The following SLC7A14 variants were observed in gnomAD, a reference collection of about 807,000 sequenced individuals.
SLC7A14 encodes the protein gamma-aminobutyric acid transporter SLC7A14.
Under a neutral mutation model 60.2 loss-of-function variants are expected in SLC7A14, and 37 were observed. The ratio of observed to expected loss-of-function variants is 0.61; its 90% confidence interval spans 0.47 to 0.81. The LOEUF (loss-of-function observed/expected upper bound fraction) is 0.81, where lower values mean the gene tolerates loss of function less well. Among genes scored for constraint, SLC7A14 ranks in the 30% least tolerant of loss-of-function variants. The probability of loss-of-function intolerance (pLI) is 0.00; values close to 1 mark genes in which losing one functional copy is unlikely to be tolerated. For missense variants in SLC7A14, 886 were observed against 982.7 expected (o/e 0.90, Z 1.32); for synonymous variants, 399 against 395.8 (o/e 1.01, Z -0.10).
chr3:170,467,320 C>T lies in SLC7A14; in HGVS notation c.2051G>A (p.Arg684Gln), dbSNP rs138821627. The T allele has an allele frequency of 2.4e-5, 38 of 1,613,384 alleles. 1 individual carries two copies. The highest frequency in any genetic ancestry group is 2.3e-4 in the South Asian group (21 of 90,922). The change falls in exon 8 of 8, where the codon CGA becomes CAA. Residue 684 changes from arginine (R) to glutamine (Q), a missense_variant. Coordinates refer to ENST00000231706, the MANE Select transcript of SLC7A14 (RefSeq NM_020949.3). Reference sequence around the variant, plus strand: ...CGTGCTTTGGTGCAGGGCCTCTTCTCGAGCGCTGATTTCCAGGGTGCTGTT... The same window carrying T: ...CGTGCTTTGGTGCAGGGCCTCTTCTTGAGCGCTGATTTCCAGGGTGCTGTT... The part of the protein sequence containing the change: ...IWNSTLEISA[R>Q]EEALHQSTYQ...
Position 170,585,251 on chromosome 3 carries a change from G to C in SLC7A14, c.-153+660C>G, listed in dbSNP as rs1715351358. 6.6e-6 allele frequency among the ~76,000 whole-genome samples: 1 copy of C among 152,250 alleles called. No individual in the cohort carries two copies. The highest frequency in any genetic ancestry group is 1.9e-4 in the East Asian group (1 of 5,148). On this transcript the variant is annotated intron_variant, in intron 1 of 7. Transcript: ENST00000231706. The surrounding 1 kb of genome is among the most constrained non-coding windows in gnomAD (Gnocchi z 5.1). Reference sequence around the variant, plus strand: ...CGGCTCTGGGCAGGGAGCTTCCCTGGACACCGCTCCCGTCACGTCCTCTTC... The same window carrying C: ...CGGCTCTGGGCAGGGAGCTTCCCTGCACACCGCTCCCGTCACGTCCTCTTC...
intron 2 of SLC7A14, among the ~76,000 whole-genome samples, chr3:170,515,479 AC>A (rs1340485567): frequency 2.6e-5 from 4 of 152,042 alleles, no homozygotes; most frequent in Admixed American, 2.0e-4. Context: ...ACTTTCAGCA[AC>A]CTGTTTGGAA....
intron 1 of SLC7A14, among the ~76,000 whole-genome samples, chr3:170,550,512 A>ATTTTTCTTTGTTTTTTTTTTTTTT (rs1714312837): frequency 1.7e-5 from 1 of 60,602 alleles, no homozygotes; most frequent in African/African-American, 8.7e-5. Context: ...CTTTCCTTGA[A>ATTTTTCTTTGTTTTTTTTTTTTTT]TTTTTTTTTT....
At chr3:170,483,223 G>C in intron 6 of SLC7A14, 91 bp downstream of exon 6, 14 of 1,457,108 alleles carry the variant, frequency 9.6e-6, no homozygotes, top group Non-Finnish European at 1.0e-5. Flanking sequence ...AGGCACTGAT[G>C]TCAAAATCAC....
In SLC7A14 at chr3:170,530,734, G is replaced by C. The variant is rs560569274; in HGVS notation, c.-152-3646C>G. Among the ~76,000 whole-genome samples, 17 of 152,332 alleles carry C rather than the reference G, an allele frequency of 1.1e-4. No individual in the cohort carries two copies. The South Asian group carries it at 1.7e-3, about 15-fold the overall frequency. Reference sequence around the variant, plus strand: ...GAGGGGTGTGGACCTGCTGCAGCGGGGAGGCCGACAAGTAAGCAGAGATCT... The same window carrying C: ...GAGGGGTGTGGACCTGCTGCAGCGGCGAGGCCGACAAGTAAGCAGAGATCT... On this transcript the variant is annotated intron_variant, in intron 1 of 7. Transcript: ENST00000231706.
chr3:170,519,502 C>A (rs965489389), intron 2 of SLC7A14, among the ~76,000 whole-genome samples: 1 of 152,176 alleles, frequency 6.6e-6, no homozygotes, highest in Non-Finnish European at 1.5e-5. Flanking sequence ...AGGGGCCAGG[C>A]GCAGTGGCTC....
At chr3:170,584,414 A>C (rs951139139) in intron 1 of SLC7A14, among the ~76,000 whole-genome samples, 7 of 152,140 alleles carry the variant, frequency 4.6e-5, no homozygotes, top group South Asian at 4.1e-4. Flanking sequence ...GCCTTTCAAC[A>C]CTTTACCGAC....
At position 170,480,824 on chromosome 3, in the gene SLC7A14, T is replaced by C; in HGVS notation, c.1458A>G (p.Leu486=). Residue 486 remains leucine (L), a synonymous_variant, in exon 7 of 8, where the codon TTA becomes TTG. Coordinates refer to ENST00000231706, the MANE Select transcript of SLC7A14 (RefSeq NM_020949.3). Reference sequence around the variant, plus strand: ...GCATCTCATTGTCTCCCAAGGATGGTAAGTTCTTGGCCCCACATGTGTTGG... The same window carrying C: ...GCATCTCATTGTCTCCCAAGGATGGCAAGTTCTTGGCCCCACATGTGTTGG... ...PATNTCGAKN[L]PSLGDNEMLI... The C allele has an allele frequency of 6.2e-7, 1 of 1,614,170 alleles. No individual in the cohort carries two copies. Among genetic ancestry groups the C allele is most frequent in the Non-Finnish European group, 8.5e-7 (1 of 1,180,032 alleles).
intron 2 of SLC7A14, among the ~76,000 whole-genome samples, chr3:170,510,406 A>AAT (rs1560264165): frequency 4.3e-5 from 6 of 139,238 alleles, no homozygotes; most frequent in African/African-American, 1.4e-4. Context: ...AAAAATAAAT[A>AAT]AATAAATAAA....
rs905263137 is a variant in SLC7A14 at position 170,535,479 on chromosome 3, C to T, written c.-152-8391G>A. Among the ~76,000 whole-genome samples, 1 of 152,154 alleles carries T rather than the reference C, an allele frequency of 6.6e-6. No homozygotes were observed. The highest frequency in any genetic ancestry group is 6.5e-5 in the Admixed American group (1 of 15,280). On this transcript the variant is annotated intron_variant, in intron 1 of 7. Coordinates refer to ENST00000231706, the MANE Select transcript of SLC7A14 (RefSeq NM_020949.3). This position sits in a 1 kb window ranked among gnomAD's most constrained non-coding sequence, Gnocchi z 4.3. ...CCATAAAATAAATTATTGTAATCTA[C>T]AGAATATCAGGAATTTAGGCACAAG... is the stretch of plus-strand genomic sequence containing the variant.
At position 170,464,295 on chromosome 3, in the gene SLC7A14, A is replaced by G. The variant is rs1739669144; in HGVS notation, c.*2760T>C. 1.3e-5 allele frequency: 2 copies of G among 152,266 alleles called. No individual in the cohort carries two copies. Among genetic ancestry groups the G allele is most frequent in the Non-Finnish European group, 2.9e-5 (2 of 68,050 alleles). The allele number at this position is 152,266 out of a possible 1,614,324, so 9.4% of individuals were successfully genotyped here. ...CTCACTCGGAGAGCTTTTGCTATTCAGAATTCAATAAAATGTAGGTCTTCC... is the reference window on the plus strand; with the variant it reads ...CTCACTCGGAGAGCTTTTGCTATTCGGAATTCAATAAAATGTAGGTCTTCC... On this transcript the variant is annotated 3_prime_UTR_variant, in exon 8 of 8. Coordinates refer to ENST00000231706, the MANE Select transcript of SLC7A14 (RefSeq NM_020949.3).
At chr3:170,544,715 A>G (rs1714127429) in intron 1 of SLC7A14, among the ~76,000 whole-genome samples, 1 of 152,234 alleles carries the variant, frequency 6.6e-6, no homozygotes, top group Non-Finnish European at 1.5e-5. Context: ...ATTAAGTAGA[A>G]CCATCTTAAG....
chr3:170,527,205 C>G (rs1456022056), intron 1 of SLC7A14, 117 bp from the exon 2 acceptor site: 2 of 493,358 alleles, frequency 4.1e-6, no homozygotes, highest in African/African-American at 1.9e-5. Context: ...CCCGTGTGCT[C>G]ATAACACGGA....
In SLC7A14 at chr3:170,460,334, T is replaced by C. The variant is rs949528897; in HGVS notation, c.*6721A>G. ...TAGAATGTGGAGTCCTGTCATCAGA[T>C]GATGTGACTACATGGAATGAGGACT... On this transcript the variant is annotated 3_prime_UTR_variant, in exon 8 of 8. Coordinates refer to ENST00000231706, the MANE Select transcript of SLC7A14 (RefSeq NM_020949.3). 1 of 152,232 alleles carries C rather than the reference T, an allele frequency of 6.6e-6. No individual in the cohort carries two copies. The highest frequency in any genetic ancestry group is 1.5e-5 in the Non-Finnish European group (1 of 68,048). 9.4% of individuals were successfully genotyped at this position (152,232 alleles called of 1,614,324 possible).
intron 2 of SLC7A14, among the ~76,000 whole-genome samples, chr3:170,509,190 G>A (rs186108625): frequency 1.3e-5 from 2 of 152,260 alleles, no homozygotes; most frequent in Admixed American, 6.6e-5. Context: ...GGTGTCTGAA[G>A]GAAAAGCAAT....
chr3:170,485,811 C>T (rs1368913589), intron 5 of SLC7A14, among the ~76,000 whole-genome samples: 3 of 152,206 alleles, frequency 2.0e-5, no homozygotes, highest in Admixed American at 6.5e-5. Context: ...AGCCTCGCCT[C>T]TTTGCTGCCG....
At chr3:170,481,751 G>A (rs905700973) in intron 6 of SLC7A14, among the ~76,000 whole-genome samples, 1 of 152,118 alleles carries the variant, frequency 6.6e-6, no homozygotes, top group Non-Finnish European at 1.5e-5. Context: ...TAATCATTAT[G>A]TAATGGGAAG....
chr3:170,499,231 T>C (rs1210681716), intron 3 of SLC7A14, among the ~76,000 whole-genome samples: 2 of 65,422 alleles, frequency 3.1e-5, no homozygotes, highest in Non-Finnish European at 4.8e-5. Flanking sequence ...AGTGAGACTC[T>C]GTCTCAAAAA....
chr3:170,583,097 C>T (rs1414915757), intron 1 of SLC7A14, among the ~76,000 whole-genome samples: 1 of 152,094 alleles, frequency 6.6e-6, no homozygotes, highest in African/African-American at 2.4e-5. Flanking sequence ...TTATTAGGGC[C>T]TTTTCCCAGT....
Sources: allele counts gnomAD v4.1 joint callset (sites outside exome capture counted in the v4.1 genomes callset), GRCh38; gene constraint gnomAD v4.1.1; non-coding constraint Gnocchi (gnomAD v3.1); transcripts MANE v1.5; gene names NCBI Gene and HGNC (gene_info 2026-07-23, HGNC 2026-07-21).